The following BLTP2 variants were observed in gnomAD, a reference collection of about 807,000 sequenced individuals.
BLTP2 encodes the protein bridge-like lipid transfer protein family member 2.
chr17:28,633,954 C>A, the BLTP2 span: 2 of 1,614,142 alleles, frequency 1.2e-6, no homozygotes, highest in Non-Finnish European at 1.7e-6. Flanking sequence ...CACGTTACCC[C>A]ACGGAAGCCC....
chr17:28,635,161 A>G, the BLTP2 span: 1 of 1,613,806 alleles, frequency 6.2e-7, no homozygotes, highest in South Asian at 1.1e-5. Context: ...GAGGGTCTGC[A>G]GCGCAGGGAA....
the BLTP2 span, among the ~76,000 whole-genome samples, chr17:28,623,248 T>C: frequency 1.3e-5 from 2 of 152,208 alleles, no homozygotes; most frequent in African/African-American, 2.4e-5. Flanking sequence ...GAAGTATCAA[T>C]TCCATTTCAC....
the BLTP2 span, chr17:28,643,223 C>G: frequency 6.2e-7 from 1 of 1,614,164 alleles, no homozygotes; most frequent in Non-Finnish European, 8.5e-7. Context: ...TCCACCCCAG[C>G]GCTCTGGGAG....
At chr17:28,637,781 C>A in the BLTP2 span, 164 of 1,558,124 alleles carry the variant, frequency 1.1e-4, no homozygotes, top group Middle Eastern at 2.0e-3. Flanking sequence ...AAGTGATTCT[C>A]CTGCCTCAGT....
At chr17:28,637,780 T>C in the BLTP2 span, 2 of 1,555,472 alleles carry the variant, frequency 1.3e-6, no homozygotes, top group Non-Finnish European at 1.7e-6. Context: ...GAAGTGATTC[T>C]CCTGCCTCAG....
the BLTP2 span, chr17:28,637,040 G>C: frequency 6.2e-7 from 1 of 1,614,174 alleles, no homozygotes; most frequent in Admixed American, 1.7e-5. Context: ...GGATGTCAGG[G>C]GCCTTGCAAC....
chr17:28,617,324 A>AG, the BLTP2 span: 14 of 1,611,604 alleles, frequency 8.7e-6, no homozygotes, highest in Middle Eastern at 8.3e-4. Flanking sequence ...TTCACCTATA[A>AG]AGACAGATTT....
At chr17:28,620,487 T>C in the BLTP2 span, 1 of 1,613,320 alleles carries the variant, frequency 6.2e-7, no homozygotes, top group South Asian at 1.1e-5. Flanking sequence ...CTAACCAGCA[T>C]TCTACAAGGG....
chr17:28,633,033 C>T, the BLTP2 span: 4 of 1,584,080 alleles, frequency 2.5e-6, no homozygotes, highest in South Asian at 2.3e-5. Flanking sequence ...GGCCCAAGGG[C>T]ACCTCAGGCA....
chr17:28,628,474 T>C, the BLTP2 span: 21 of 1,614,170 alleles, frequency 1.3e-5, no homozygotes, highest in Middle Eastern at 1.6e-4. Context: ...AATGTCTCGA[T>C]TGGTAGTTGT....
At chr17:28,616,489 G>A in the BLTP2 span, 5 of 1,613,988 alleles carry the variant, frequency 3.1e-6, no homozygotes, top group African/African-American at 2.7e-5. This position sits in a 1 kb window ranked among gnomAD's most constrained non-coding sequence, Gnocchi z 4.8. Context: ...ATCAGCTGCC[G>A]AGGCTTCACC....
At chr17:28,643,949 G>T in the BLTP2 span, 1,385 of 1,350,142 alleles carry the variant, frequency 1.0e-3, 4 homozygotes, top group Middle Eastern at 1.5e-3. Context: ...GCAAGGCTGG[G>T]ATTAACTAGA....
the BLTP2 span, chr17:28,635,121 G>A: frequency 5.0e-6 from 8 of 1,613,978 alleles, no homozygotes; most frequent in Admixed American, 5.0e-5. Flanking sequence ...CCGAGACTGA[G>A]CCGAAAGAGA....
chr17:28,623,840 A>G, the BLTP2 span: 2 of 1,614,216 alleles, frequency 1.2e-6, no homozygotes, highest in Non-Finnish European at 1.7e-6. Flanking sequence ...TCCAAGAGGC[A>G]AGTCCAGGAT....
the BLTP2 span, chr17:28,643,943 G>C: frequency 7.6e-7 from 1 of 1,316,962 alleles, no homozygotes; most frequent in Non-Finnish European, 1.1e-6. Flanking sequence ...GAAATGGCAA[G>C]GCTGGGATTA....
chr17:28,633,030 G>A, the BLTP2 span: 5 of 1,584,698 alleles, frequency 3.2e-6, no homozygotes, highest in Non-Finnish European at 4.3e-6. Flanking sequence ...GCTGGCCCAA[G>A]GGCACCTCAG....
chr17:28,619,920 A>G, the BLTP2 span: 1 of 1,614,124 alleles, frequency 6.2e-7, no homozygotes, highest in Non-Finnish European at 8.5e-7. Context: ...GCTGCCGCAC[A>G]GCCTCCTGCA....
chr17:28,639,949 T>C, the BLTP2 span: 1 of 1,613,956 alleles, frequency 6.2e-7, no homozygotes, highest in African/African-American at 1.3e-5. Flanking sequence ...GAGTTTGCTG[T>C]GAAGCTTCGA....
chr17:28,628,448 C>T, the BLTP2 span: 1 of 1,614,038 alleles, frequency 6.2e-7, no homozygotes, highest in East Asian at 2.2e-5. Flanking sequence ...TTGTACCCAT[C>T]ATATAACCCA....
Sources: gnomAD v4.1 joint callset for allele counts (sites outside exome capture counted in the v4.1 genomes callset) on GRCh38, gnomAD v4.1.1 for gene constraint, Gnocchi (gnomAD v3.1) non-coding constraint, MANE v1.5 for transcripts, NCBI Gene and HGNC (gene_info 2026-07-23, HGNC 2026-07-21) for gene names.